The following SPAG16 variants were observed in gnomAD, a reference collection of about 807,000 sequenced individuals.
SPAG16 encodes sperm-associated antigen 16 protein.
In SPAG16, 86 loss-of-function variants were observed where a neutral mutation model predicts 80.4. The observed-to-expected ratio is 1.07, with a 90% CI of 0.90 to 1.28. The LOEUF (loss-of-function observed/expected upper bound fraction) is 1.28, where lower values mean the gene tolerates loss of function less well. SPAG16 is among the 50% of genes most tolerant of loss of function. SPAG16 has a pLI of 0.00. For missense variants in SPAG16, 870 were observed against 765.3 expected, an observed-to-expected ratio of 1.14 and a Z score of -1.61; for synonymous variants, 294 against 265.9, an observed-to-expected ratio of 1.11 and a Z score of -1.03.
In SPAG16 at chr2:213,824,393, T is replaced by C. The variant is rs1482794089; in HGVS notation, c.1071-38092T>C. ...GTTTGAGGTCTTAGGTTTAAGTCTT[T>C]AACCCATTTATATTGATTTTTATTT... is the stretch of plus-strand genomic sequence containing the variant. On this transcript the variant is annotated intron_variant, in intron 10 of 15. Coordinates refer to ENST00000331683, the MANE Select transcript of SPAG16 (RefSeq NM_024532.5). Among the ~76,000 whole-genome samples the C allele has an allele frequency of 2.0e-5, 3 of 152,202 alleles. No homozygotes were observed. In the East Asian group the frequency reaches 5.8e-4, roughly 29 times the overall value.
chr2:213,431,925 C>T (rs2125486914), intron 9 of SPAG16, among the ~76,000 whole-genome samples: 1 of 151,882 alleles, frequency 6.6e-6, no homozygotes, highest in South Asian at 2.1e-4. Flanking sequence ...TAAAATGAAA[C>T]TAGAAGTTAA....
At chr2:213,834,126 C>A (rs1309112559) in intron 10 of SPAG16, among the ~76,000 whole-genome samples, 1 of 152,118 alleles carries the variant, frequency 6.6e-6, no homozygotes, top group African/African-American at 2.4e-5. Flanking sequence ...GCCACTGCCA[C>A]GTAGAAAGTG....
In SPAG16 at chr2:213,516,981, G is replaced by T. The variant is rs190000864; in HGVS notation, c.1070+26891G>T. On this transcript the variant is annotated intron_variant, in intron 10 of 15. Transcript: ENST00000331683. ...TCCTAGCCAATGCAATCAAGTAAGA[G>T]AAAAAAAATGAAAGGCATTGAAATA... 1.2e-3 allele frequency among the ~76,000 whole-genome samples: 176 copies of T among 151,698 alleles called. 2 individuals carry two copies. The highest frequency in any genetic ancestry group is 3.4e-3 in the Middle Eastern group (1 of 294).
intron 14 of SPAG16, among the ~76,000 whole-genome samples, chr2:214,131,567 G>A (rs1033775811): frequency 1.3e-5 from 2 of 151,956 alleles, no homozygotes; most frequent in Non-Finnish European, 2.9e-5. Flanking sequence ...ATGTCCTCCA[G>A]TAGGTGAATT....
intron 10 of SPAG16, among the ~76,000 whole-genome samples, chr2:213,565,772 G>A (rs763980144): frequency 8.5e-5 from 13 of 152,214 alleles, no homozygotes; most frequent in Non-Finnish European, 1.5e-4. Context: ...AAGGATGGAA[G>A]ACCAGTTTTG....
intron 10 of SPAG16, among the ~76,000 whole-genome samples, chr2:213,719,968 A>C (rs550505144): frequency 2.2e-4 from 33 of 152,352 alleles, no homozygotes; most frequent in East Asian, 5.8e-4. Flanking sequence ...CTGGATAAAG[A>C]AAATGTGGCA....
intron 12 of SPAG16, among the ~76,000 whole-genome samples, chr2:214,000,356 C>T (rs1339357691): frequency 6.6e-6 from 1 of 152,042 alleles, no homozygotes; most frequent in Admixed American, 6.6e-5. Flanking sequence ...GCCTTTCACT[C>T]CTGGGCCATT....
intron 15 of SPAG16, among the ~76,000 whole-genome samples, chr2:214,257,620 T>C (rs950985712): frequency 2.0e-5 from 3 of 152,122 alleles, no homozygotes; most frequent in Non-Finnish European, 2.9e-5. Flanking sequence ...ATTCTCTTAA[T>C]ATGGTGAATG....
At chr2:214,408,139 A>C (rs913296263) in intron 15 of SPAG16, among the ~76,000 whole-genome samples, 2 of 152,212 alleles carry the variant, frequency 1.3e-5, no homozygotes, top group African/African-American at 4.8e-5. Flanking sequence ...AGAAATTACC[A>C]GAGCCTTCAT....
intron 15 of SPAG16, among the ~76,000 whole-genome samples, chr2:214,252,820 A>G (rs1245262193): frequency 6.6e-6 from 1 of 152,110 alleles, no homozygotes. Context: ...CAGTAATGAG[A>G]TTGCTGGGTC....
chr2:213,731,302 A>G (rs2372096), intron 10 of SPAG16, among the ~76,000 whole-genome samples: 139,973 of 151,396 alleles, frequency 0.92, 65,738 homozygotes, highest in East Asian at 1. Context: ...GATTACAGGC[A>G]CCCACTAACA....
chr2:213,759,458 A>G (rs554865606), intron 10 of SPAG16, among the ~76,000 whole-genome samples: 2 of 152,258 alleles, frequency 1.3e-5, no homozygotes, highest in African/African-American at 4.8e-5. Context: ...TATAATACAT[A>G]AAGATATAAT....
intron 11 of SPAG16, among the ~76,000 whole-genome samples, chr2:213,905,134 G>C (rs569514883): frequency 6.6e-6 from 1 of 152,118 alleles, no homozygotes; most frequent in South Asian, 2.1e-4. Flanking sequence ...CAAAAGACTC[G>C]ATGGATTTGA....
intron 11 of SPAG16, among the ~76,000 whole-genome samples, chr2:213,882,586 G>C (rs1288201237): frequency 6.6e-6 from 1 of 152,072 alleles, no homozygotes; most frequent in Non-Finnish European, 1.5e-5. Context: ...CTAATTTGTG[G>C]AACAGAATTA....
At chr2:214,236,788 A>G (rs1232621072) in intron 15 of SPAG16, among the ~76,000 whole-genome samples, 1 of 152,214 alleles carries the variant, frequency 6.6e-6, no homozygotes, top group African/African-American at 2.4e-5. Flanking sequence ...TTCTGGATTC[A>G]GATGAGTTCC....
At chr2:213,369,741 A>C (rs1025057160) in intron 8 of SPAG16, among the ~76,000 whole-genome samples, 7 of 152,166 alleles carry the variant, frequency 4.6e-5, no homozygotes, top group Non-Finnish European at 1.5e-5. Flanking sequence ...TTTTTAGAGC[A>C]GTTTTAGGTT....
At chr2:213,973,440 A>G (rs1238731037) in intron 12 of SPAG16, among the ~76,000 whole-genome samples, 1 of 152,050 alleles carries the variant, frequency 6.6e-6, no homozygotes, top group Admixed American at 6.6e-5. Context: ...GCCCTCAGGT[A>G]GCACCCAAAC....
chr2:213,918,403 G>GT (rs35219722), intron 11 of SPAG16, among the ~76,000 whole-genome samples: 9 of 151,788 alleles, frequency 5.9e-5, no homozygotes, highest in African/African-American at 2.2e-4. Context: ...CTGGTCCTGG[G>GT]TTTTTTTCTG....
chr2:213,717,156 A>AT (rs1411155401), intron 10 of SPAG16, among the ~76,000 whole-genome samples: 4,217 of 144,144 alleles, frequency 0.029, 196 homozygotes, highest in African/African-American at 0.094. Flanking sequence ...GAAACTTTTC[A>AT]TTTTTTTTTT....
Sources: gnomAD v4.1 joint callset for allele counts (sites outside exome capture counted in the v4.1 genomes callset) on GRCh38, gnomAD v4.1.1 for gene constraint, MANE v1.5 for transcripts, NCBI Gene and HGNC (gene_info 2026-07-23, HGNC 2026-07-21) for gene names.